UGT1A7: variants seen among roughly 807,000 people sequenced by gnomAD.
UGT1A7 encodes the protein UDP-glucuronosyltransferase 1A7.
UGT1A7 carries 33 observed loss-of-function variants against 45.6 expected under a neutral mutation model. That is an observed-to-expected ratio of 0.72 (90% CI 0.55 to 0.97). The LOEUF (loss-of-function observed/expected upper bound fraction) is 0.97, where lower values mean the gene tolerates loss of function less well. UGT1A7 is among the 50% of genes least tolerant of loss of function. The pLI is 0.00. For missense variants in UGT1A7, 684 were observed against 666.2 expected, an observed-to-expected ratio of 1.03 and a Z score of -0.29; for synonymous variants, 274 against 250.6, an observed-to-expected ratio of 1.09 and a Z score of -0.88.
At chr2:233,743,979 A>G (rs1692622611) in intron 1 of UGT1A7, 33 of 1,306,002 alleles carry the variant, frequency 2.5e-5, no homozygotes, top group South Asian at 6.3e-5. Context: ...GCCAGCACCC[A>G]GGCGCAGGCC....
chr2:233,764,154 G>A (rs967840775), intron 1 of UGT1A7, among the ~76,000 whole-genome samples: 1 of 152,226 alleles, frequency 6.6e-6, no homozygotes, highest in Non-Finnish European at 1.5e-5. Flanking sequence ...TTTGGCTGGT[G>A]AAGTCTCATC....
intron 1 of UGT1A7, chr2:233,740,547 G>GA (rs1691417394): frequency 6.6e-6 from 1 of 151,824 alleles, no homozygotes; most frequent in Non-Finnish European, 1.5e-5. Flanking sequence ...ACTCCAGCCA[G>GA]AAAAAATGTC....
chr2:233,704,184 C>G (rs2075771815), intron 1 of UGT1A7, among the ~76,000 whole-genome samples: 1 of 151,754 alleles, frequency 6.6e-6, no homozygotes, highest in Admixed American at 6.6e-5. Flanking sequence ...AGCCACTGTG[C>G]CTGGCCCCAT....
rs529127963 is a variant in UGT1A7 at position 233,735,165 on chromosome 2, C to T, written c.856-31869C>T. 6.6e-5 allele frequency among the ~76,000 whole-genome samples: 10 copies of T among 152,220 alleles called. No homozygotes were observed. In the East Asian group the frequency reaches 9.6e-4, roughly 15 times the overall value. The stretch of plus-strand genomic sequence containing the variant: ...TGGGAGTCTAAGTCTCTGTGTAGGT[C>T]TCTAAGAACTTGCTTTATGAATCTA... On this transcript the variant is annotated intron_variant, in intron 1 of 4. Transcript: ENST00000373426.
At chr2:233,710,958 T>C (rs2076155370) in intron 1 of UGT1A7, among the ~76,000 whole-genome samples, 1 of 152,220 alleles carries the variant, frequency 6.6e-6, no homozygotes, top group Non-Finnish European at 1.5e-5. Context: ...GTCTCTGAGA[T>C]TGGCAGAGGG....
At position 233,712,486 on chromosome 2, in the gene UGT1A7, G is replaced by A. The variant is rs575970867; in HGVS notation, c.855+29694G>A. Among the ~76,000 whole-genome samples, 6 of 152,296 alleles carry A rather than the reference G, an allele frequency of 3.9e-5. No homozygotes were observed. In the South Asian group the frequency reaches 1.2e-3, roughly 32 times the overall value. Reference sequence around the variant, plus strand: ...CCTCCCCACTCCCTGTTTAAAGAAAGCTGGCTTAGCAATGTTGTCTGCATT... The same window carrying A: ...CCTCCCCACTCCCTGTTTAAAGAAAACTGGCTTAGCAATGTTGTCTGCATT... On this transcript the variant is annotated intron_variant, in intron 1 of 4. Coordinates refer to ENST00000373426, the MANE Select transcript of UGT1A7 (RefSeq NM_019077.3).
At position 233,764,952 on chromosome 2, in the gene UGT1A7, G is replaced by A. The variant is rs141731857; in HGVS notation, c.856-2082G>A. On this transcript the variant is annotated intron_variant, in intron 1 of 4. Transcript: ENST00000373426. Reference sequence around the variant, plus strand: ...GCTGGTGAGAGTGGCGGGGAGAGAGGGCTCACCTTGGGAGAAGGATGGTCA... The same window carrying A: ...GCTGGTGAGAGTGGCGGGGAGAGAGAGCTCACCTTGGGAGAAGGATGGTCA... Among the ~76,000 whole-genome samples the A allele has an allele frequency of 2.5e-3, 384 of 152,210 alleles. 3 individuals are homozygous for A. Among genetic ancestry groups the A allele is most frequent in the South Asian group, 8.5e-3 (41 of 4,812 alleles).
chr2:233,759,816 G>T (rs540177588), intron 1 of UGT1A7, among the ~76,000 whole-genome samples: 2 of 152,284 alleles, frequency 1.3e-5, no homozygotes, highest in East Asian at 3.9e-4. Context: ...AGGCAGTACC[G>T]GGGGAGCTGT....
chr2:233,748,866 G>T (rs17862876), intron 1 of UGT1A7, among the ~76,000 whole-genome samples: 1,756 of 151,560 alleles, frequency 0.012, 18 homozygotes, highest in Non-Finnish European at 0.019. Flanking sequence ...AGTTAAGCTG[G>T]GGACGGTGAT....
chr2:233,692,758 C>G (rs932317185), intron 1 of UGT1A7: 26 of 1,183,656 alleles, frequency 2.2e-5, no homozygotes, highest in Non-Finnish European at 2.8e-5. Context: ...ACTTGTGGAG[C>G]TGAAGAGAAA....
intron 1 of UGT1A7, chr2:233,693,502 A>G (rs1280559315): frequency 2.5e-6 from 4 of 1,614,144 alleles, no homozygotes; most frequent in Non-Finnish European, 3.4e-6. Flanking sequence ...TGGGCCTACC[A>G]TCTGTGTACC....
intron 1 of UGT1A7, among the ~76,000 whole-genome samples, chr2:233,748,510 G>A (rs1250005538): frequency 1.3e-5 from 2 of 151,856 alleles, no homozygotes; most frequent in Non-Finnish European, 2.9e-5. Context: ...TAGTGGTCCT[G>A]TCTTGCGAAT....
chr2:233,738,894 A>C lies in UGT1A7; in HGVS notation c.856-28140A>C. ...TCCAGGGCATGTCAGAGACCTTTGC[A>C]GCAGACCCTCCCATCACAGGCCTGG... On this transcript the variant is annotated intron_variant, in intron 1 of 4. Transcript: ENST00000373426. 2 of 152,268 alleles carry C rather than the reference A, an allele frequency of 1.3e-5. 1 individual carries two copies. Among genetic ancestry groups the C allele is most frequent in the Non-Finnish European group, 2.9e-5 (2 of 68,064 alleles). 9.4% of individuals were successfully genotyped at this position (152,268 alleles called of 1,614,324 possible).
In UGT1A7 at chr2:233,754,644, T is replaced by G. The variant is rs1255750118; in HGVS notation, c.856-12390T>G. 6 of 449,562 alleles carry G rather than the reference T, an allele frequency of 1.3e-5. No individual in the cohort carries two copies. In the Admixed American group the frequency reaches 1.5e-4, roughly 11 times the overall value. 27.8% of individuals were successfully genotyped at this position (449,562 alleles called of 1,614,324 possible). A position where few individuals can be genotyped will look rare whatever the true frequency, so the allele number is the denominator to read the frequency against. On this transcript the variant is annotated intron_variant, in intron 1 of 4. Coordinates refer to ENST00000373426, the MANE Select transcript of UGT1A7 (RefSeq NM_019077.3). ...CACTTCCACCCTTTCTTGGCCATTCTCAATGATTCTCTTGGTGGTGATTTT... is the reference window on the plus strand; with the variant it reads ...CACTTCCACCCTTTCTTGGCCATTCGCAATGATTCTCTTGGTGGTGATTTT...
At chr2:233,751,657 CTGAG>C (rs111702425) in intron 1 of UGT1A7, among the ~76,000 whole-genome samples, 4 of 152,292 alleles carry the variant, frequency 2.6e-5, no homozygotes, top group African/African-American at 9.6e-5. Context: ...TCTCATCCTA[CTGAG>C]TGAGTTCTAA....
chr2:233,754,931 G>T, intron 1 of UGT1A7: 1 of 1,344,540 alleles, frequency 7.4e-7, no homozygotes, highest in South Asian at 1.1e-5. Context: ...TTCCCAAGAG[G>T]TCAAAGGAGA....
At chr2:233,694,747 G>A (rs1243865745) in intron 1 of UGT1A7, among the ~76,000 whole-genome samples, 5 of 152,170 alleles carry the variant, frequency 3.3e-5, no homozygotes, top group Non-Finnish European at 7.4e-5. Flanking sequence ...ACAGTTGGCA[G>A]TAGCCACTGT....
At chr2:233,689,817 ATCTCTGGAC>A (rs1446370828) in intron 1 of UGT1A7, 3 of 442,198 alleles carry the variant, frequency 6.8e-6, no homozygotes, top group Non-Finnish European at 1.3e-5. Context: ...GAAACCAAAC[ATCTCTGGAC>A]TCTAACTTTC....
rs61764030 is a variant in UGT1A7, at chr2:233,729,599, C to T, written c.856-37435C>T. ...TTAACAGACCCCGTTAACCTCTGCG[C>T]GGCAGTGCTGGCTAAGTACCTGTCG... On this transcript the variant is annotated intron_variant, in intron 1 of 4. Coordinates refer to ENST00000373426, the MANE Select transcript of UGT1A7 (RefSeq NM_019077.3). The T allele has an allele frequency of 2.7e-3, 4,298 of 1,614,002 alleles. 9 individuals carry two copies. Among genetic ancestry groups the T allele is most frequent in the Admixed American group, 4.7e-3 (282 of 60,020 alleles).
Sources: allele counts gnomAD v4.1 joint callset (sites outside exome capture counted in the v4.1 genomes callset), GRCh38; gene constraint gnomAD v4.1.1; transcripts MANE v1.5; gene names NCBI Gene and HGNC (gene_info 2026-07-23, HGNC 2026-07-21).